The following CTDSPL2 variants were observed in gnomAD, a reference collection of about 807,000 sequenced individuals.
The protein encoded by CTDSPL2 is CTD small phosphatase-like protein 2.
In CTDSPL2, 5 loss-of-function variants were observed where a neutral mutation model predicts 60.0. That is an observed-to-expected ratio of 0.08 (90% CI 0.04 to 0.18). The LOEUF (loss-of-function observed/expected upper bound fraction) is 0.18, where lower values mean the gene tolerates loss of function less well. Ranked by LOEUF, CTDSPL2 falls within the 10% of genes least tolerant of loss-of-function variation. The pLI is 1.00. For synonymous variants in CTDSPL2, 186 were observed against 189.3 expected, an observed-to-expected ratio of 0.98 and a Z score of 0.14; for missense variants, 370 against 548.8, an observed-to-expected ratio of 0.67 and a Z score of 3.26.
chr15:44,505,989 A>G (rs987499958), intron 8 of CTDSPL2, among the ~76,000 whole-genome samples: 28 of 151,078 alleles, frequency 1.9e-4, no homozygotes, highest in African/African-American at 6.6e-4. Context: ...TATAATGGCC[A>G]ATTTTTCCCT....
chr15:44,469,203 G>A (rs2080756615), intron 2 of CTDSPL2, among the ~76,000 whole-genome samples: 2 of 152,154 alleles, frequency 1.3e-5, no homozygotes, highest in Non-Finnish European at 2.9e-5. Flanking sequence ...CCACTGGAGG[G>A]TTTTGAAAGG....
intron 10 of CTDSPL2, among the ~76,000 whole-genome samples, chr15:44,515,049 C>G (rs1334821772): frequency 6.6e-6 from 1 of 152,046 alleles, no homozygotes; most frequent in African/African-American, 2.4e-5. Flanking sequence ...TACAAAGATC[C>G]AGTGCCTTTA....
intron 2 of CTDSPL2, among the ~76,000 whole-genome samples, chr15:44,471,916 G>A (rs912227219): frequency 6.6e-6 from 1 of 151,000 alleles, no homozygotes; most frequent in Non-Finnish European, 1.5e-5. Flanking sequence ...GTGCATCCAT[G>A]GTGCATTTGT....
chr15:44,517,426 G>A (rs2081675072), intron 10 of CTDSPL2: 1 of 151,314 alleles, frequency 6.6e-6, no homozygotes, highest in Non-Finnish European at 1.5e-5. Flanking sequence ...GTTGCAGTGA[G>A]CCGAGAGTCT....
chr15:44,517,625 C>T (rs1379942118), intron 10 of CTDSPL2: 3 of 152,176 alleles, frequency 2.0e-5, no homozygotes, highest in South Asian at 2.1e-4. Flanking sequence ...ACATGCTATA[C>T]ACCCTCAGAT....
At chr15:44,435,767 T>C (rs1029992209) in intron 1 of CTDSPL2, among the ~76,000 whole-genome samples, 2 of 151,826 alleles carry the variant, frequency 1.3e-5, no homozygotes, top group African/African-American at 4.8e-5. Context: ...CCACCACGCC[T>C]GGCTAATTTT....
intron 1 of CTDSPL2, among the ~76,000 whole-genome samples, chr15:44,433,209 C>T (rs371273090): frequency 4.7e-5 from 7 of 150,182 alleles, no homozygotes; most frequent in East Asian, 2.0e-4. Context: ...CAGCCACTAG[C>T]GGGGCTGAGT....
chr15:44,483,320 T>G (rs2081063555), intron 2 of CTDSPL2, among the ~76,000 whole-genome samples: 1 of 151,340 alleles, frequency 6.6e-6, no homozygotes, highest in Non-Finnish European at 1.5e-5. Context: ...AGAAAAAATT[T>G]ACAAATGAGG....
At chr15:44,454,508 A>G (rs1406733593) in intron 1 of CTDSPL2, among the ~76,000 whole-genome samples, 5 of 152,164 alleles carry the variant, frequency 3.3e-5, no homozygotes, top group South Asian at 2.1e-4. Flanking sequence ...GCCCATGCCT[A>G]TGTCCTGAAT....
At chr15:44,448,654 A>T in intron 1 of CTDSPL2, 1 of 324,798 alleles carries the variant, frequency 3.1e-6, no homozygotes. Context: ...CTCCCATTTT[A>T]TTCTAAATCC....
chr15:44,470,839 T>C (rs1476513543), intron 2 of CTDSPL2, among the ~76,000 whole-genome samples: 1 of 152,196 alleles, frequency 6.6e-6, no homozygotes, highest in Non-Finnish European at 1.5e-5. Flanking sequence ...TCTGGATTTG[T>C]CCCATCTTTT....
chr15:44,483,985 G>C (rs1001087353), intron 2 of CTDSPL2, among the ~76,000 whole-genome samples: 12 of 152,130 alleles, frequency 7.9e-5, no homozygotes, highest in Admixed American at 1.3e-4. Flanking sequence ...ATGGACCTTG[G>C]GGAAGGGATC....
chr15:44,433,029 C>A (rs2079892720), intron 1 of CTDSPL2, among the ~76,000 whole-genome samples: 1 of 151,898 alleles, frequency 6.6e-6, no homozygotes, highest in South Asian at 2.1e-4. Flanking sequence ...TAAAACAACA[C>A]AACAGGCTGG....
intron 8 of CTDSPL2, among the ~76,000 whole-genome samples, chr15:44,511,867 C>CAAAAAAAAAAAAAAAAA (rs68063380): frequency 3.3e-5 from 1 of 30,612 alleles, no homozygotes; most frequent in African/African-American, 8.1e-5. Context: ...GACGGTCTCG[C>CAAAAAAAAAAAAAAAAA]AAAAAAAAAA....
intron 8 of CTDSPL2, among the ~76,000 whole-genome samples, chr15:44,505,640 G>A (rs748611627): frequency 1.3e-5 from 2 of 151,574 alleles, no homozygotes; most frequent in East Asian, 1.9e-4. Flanking sequence ...AGGCTGAGAC[G>A]GGAGAATTGC....
chr15:44,495,672 G>A (rs1447157383), intron 5 of CTDSPL2, among the ~76,000 whole-genome samples: 3 of 152,082 alleles, frequency 2.0e-5, no homozygotes, highest in Non-Finnish European at 2.9e-5. Context: ...AGTGGCTCAC[G>A]CCTGTAATCC....
intron 12 of CTDSPL2, among the ~76,000 whole-genome samples, chr15:44,523,615 C>G (rs116707418): frequency 0.013 from 1,979 of 152,124 alleles, 62 homozygotes; most frequent in African/African-American, 0.046. Context: ...TTCATTCATT[C>G]ATTCGTTCAT....
intron 5 of CTDSPL2, among the ~76,000 whole-genome samples, chr15:44,491,966 C>T (rs538090104): frequency 2.0e-5 from 3 of 152,100 alleles, no homozygotes; most frequent in Admixed American, 6.5e-5. Flanking sequence ...TGGGTTCAAG[C>T]GATTCGCCTG....
At chr15:44,482,497 T>TA (rs2081047035) in intron 2 of CTDSPL2, among the ~76,000 whole-genome samples, 1 of 152,224 alleles carries the variant, frequency 6.6e-6, no homozygotes, top group Non-Finnish European at 1.5e-5. Flanking sequence ...AGGGGGAGGC[T>TA]AGGACTTAAT....
Sources: allele counts gnomAD v4.1 joint callset (sites outside exome capture counted in the v4.1 genomes callset), GRCh38; gene constraint gnomAD v4.1.1; transcripts MANE v1.5; gene names NCBI Gene and HGNC (gene_info 2026-07-23, HGNC 2026-07-21).